Variants in CSN2 observed in about 807,000 individuals in gnomAD.
CSN2 encodes the protein casein beta.
In CSN2, 27 loss-of-function variants were observed where a neutral mutation model predicts 27.3. The ratio of observed to expected loss-of-function variants is 0.99; its 90% CI spans 0.73 to 1.36. The LOEUF is 1.36. CSN2 is among the 40% of genes most tolerant of loss of function. CSN2 has a pLI of 0.00. For missense variants in CSN2, 333 were observed against 264.5 expected (o/e 1.26, Z -1.80); for synonymous variants, 131 against 94.8 (o/e 1.38, Z -2.22).
intron 3 of CSN2, 43 bp downstream of exon 3, chr4:69,960,010 A>T (rs1229370424): frequency 6.3e-7 from 1 of 1,582,290 alleles, no homozygotes; most frequent in East Asian, 2.2e-5. Context: ...GAAAAATAGC[A>T]CAGGATTTTA....
intron 2 of CSN2, 77 bp downstream of exon 2, chr4:69,960,868 G>T: frequency 1.8e-6 from 2 of 1,102,952 alleles, no homozygotes; most frequent in Non-Finnish European, 2.8e-6. Flanking sequence ...AAAAAATGTT[G>T]GTGATGTTAT....
intron 1 of CSN2, among the ~76,000 whole-genome samples, chr4:69,962,820 T>G (rs895141390): frequency 1.3e-5 from 2 of 152,032 alleles, no homozygotes; most frequent in African/African-American, 2.4e-5. Context: ...GAGAGAAAAT[T>G]TTTGCAATCT....
At position 69,957,545 on chromosome 4, in the gene CSN2, T is replaced by C; in HGVS notation, c.404A>G (p.Asp135Gly). 6.2e-7 allele frequency: 1 copy of C among 1,613,828 alleles called. No individual in the cohort carries two copies. Among genetic ancestry groups the C allele is most frequent in the Non-Finnish European group, 8.5e-7 (1 of 1,179,962 alleles). ...CAGAGGAAGATGCAGATTTTCAAGA[T>C]CAGTGAGTTTTGGGATTTGAGGGTC... ...FFDPQIPKLTDLENLHLPLPL... is the reference protein window; with the variant it reads ...FFDPQIPKLTGLENLHLPLPL... Residue 135 changes from aspartate (D) to glycine (G), a missense_variant, in exon 6 of 8, where the codon GAT (aspartate) becomes GGT (glycine). Physicochemically the swap from Asp to Gly is moderately conservative, Grantham distance 94 (BLOSUM62 -1). Transcript: ENST00000353151.
Position 69,960,095 on chromosome 4 carries a change from A to T in CSN2, c.52-16T>A, listed in dbSNP as rs1723524971. The T allele has an allele frequency of 3.1e-6, 5 of 1,609,138 alleles. No individual in the cohort carries two copies. Among genetic ancestry groups the T allele is most frequent in the Non-Finnish European group, 4.2e-6 (5 of 1,176,590 alleles). On this transcript the variant is annotated splice_polypyrimidine_tract_variant and intron_variant, in intron 2 of 7. Transcript: ENST00000353151. ...TTTCTATGGTCTGTGGGAAAAAAAA[A>T]TTGACAACCAGCTAAATCTTCTAGA...
Position 69,960,152 on chromosome 4 carries a change from T to C in CSN2, c.52-73A>G, listed in dbSNP as rs553861512. On this transcript the variant is annotated intron_variant, in intron 2 of 7. Transcript: ENST00000353151. ...GAGAATTTTACTATTTTATGGTTCA[T>C]AAATTTTCTCTAAAAAAATAATCTC... 27 of 1,372,778 alleles carry C rather than the reference T, an allele frequency of 2.0e-5. 3 individuals carry two copies. In the South Asian group the frequency reaches 3.1e-4, roughly 16 times the overall value. 85.0% of individuals were successfully genotyped at this position (1,372,778 alleles called of 1,614,324 possible).
intron 1 of CSN2, among the ~76,000 whole-genome samples, chr4:69,962,629 A>G (rs1425144438): frequency 6.6e-6 from 1 of 152,154 alleles, no homozygotes; most frequent in Non-Finnish European, 1.5e-5. Flanking sequence ...AACCATAAAA[A>G]CCCTAGAAGA....
At position 69,960,963 on chromosome 4, in the gene CSN2, A is replaced by G. The variant is rs768004133; in HGVS notation, c.33T>C (p.Ala11=). 1.9e-6 allele frequency: 3 copies of G among 1,612,990 alleles called. No individual in the cohort carries two copies. The highest frequency in any genetic ancestry group is 2.5e-6 in the Non-Finnish European group (3 of 1,179,264). Residue 11 remains alanine (A), a synonymous_variant, in exon 2 of 8, where the codon GCT becomes GCC. Transcript: ENST00000353151. MKVLILACLV[A]LALARETIES... is the part of the protein sequence containing the mutation. ...CACATACCTCCCTTGCAAGAGCAAG[A>G]GCCACCAGGCAGGCGAGGATGAGGA...
Position 69,957,557 on chromosome 4 carries a change from G to A in CSN2, c.392C>T (p.Pro131Leu). The A allele has an allele frequency of 6.2e-7, 1 of 1,613,936 alleles. No individual in the cohort carries two copies. The highest frequency in any genetic ancestry group is 8.5e-7 in the Non-Finnish European group (1 of 1,179,998). Residue 131 changes from proline to leucine, a missense_variant, in exon 6 of 8, where the codon CCA becomes CTA. Pro to Leu is a moderately conservative substitution (Grantham distance 98, BLOSUM62 -3). Transcript: ENST00000353151. The stretch of plus-strand genomic sequence containing the variant: ...CAGATTTTCAAGATCAGTGAGTTTT[G>A]GGATTTGAGGGTCAAAAAAGGGTAT... ...PTIPFFDPQI[P>L]KLTDLENLHL...
At chr4:69,959,551 T>A (rs1723505449) in intron 3 of CSN2, among the ~76,000 whole-genome samples, 1 of 152,050 alleles carries the variant, frequency 6.6e-6, no homozygotes. Flanking sequence ...AGAATAAATA[T>A]CTACCTGACT....
chr4:69,962,470 A>C (rs899586275), intron 1 of CSN2, among the ~76,000 whole-genome samples: 24 of 152,180 alleles, frequency 1.6e-4, no homozygotes, highest in Non-Finnish European at 3.1e-4. Flanking sequence ...AGCTGACAAA[A>C]ACAAGCAATG....
intron 1 of CSN2, among the ~76,000 whole-genome samples, chr4:69,962,456 A>T (rs1297187024): frequency 3.3e-5 from 5 of 152,192 alleles, no homozygotes. Context: ...CTGATCTTTG[A>T]CAAAGCTGAC....
intron 7 of CSN2, 146 bp downstream of exon 7, chr4:69,956,168 T>G: frequency 2.5e-6 from 1 of 405,252 alleles, no homozygotes. Context: ...CAGTAAATGA[T>G]AGTCAACCAT....
At position 69,957,558 on chromosome 4, in the gene CSN2, G is replaced by A. The variant is rs764809165; in HGVS notation, c.391C>T (p.Pro131Ser). Residue 131 changes from proline to serine, a missense_variant, in exon 6 of 8, where the codon CCA (proline) becomes TCA (serine). By Grantham distance (74) the Pro-to-Ser change is moderately conservative. Coordinates refer to ENST00000353151, the MANE Select transcript of CSN2 (RefSeq NM_001891.4). ...PTIPFFDPQI[P>S]KLTDLENLHL... Reference sequence around the variant, plus strand: ...AGATTTTCAAGATCAGTGAGTTTTGGGATTTGAGGGTCAAAAAAGGGTATC... The same window carrying A: ...AGATTTTCAAGATCAGTGAGTTTTGAGATTTGAGGGTCAAAAAAGGGTATC... The A allele has an allele frequency of 5.6e-6, 9 of 1,613,876 alleles. No homozygotes were observed. In the South Asian group the frequency reaches 6.6e-5, roughly 12 times the overall value.
At chr4:69,958,439 C>A (rs1339832131) in intron 5 of CSN2, among the ~76,000 whole-genome samples, 1 of 151,956 alleles carries the variant, frequency 6.6e-6, no homozygotes, top group Non-Finnish European at 1.5e-5. Flanking sequence ...GTACACAAAG[C>A]AATTGAAAAT....
At chr4:69,961,934 C>G (rs1030848459) in intron 1 of CSN2, among the ~76,000 whole-genome samples, 5 of 152,024 alleles carry the variant, frequency 3.3e-5, no homozygotes, top group African/African-American at 1.2e-4. Flanking sequence ...TCATATACAC[C>G]AATAACAGAC....
At chr4:69,956,495 G>T in intron 6 of CSN2, 140 bp from the exon 7 acceptor site, 1 of 555,528 alleles carries the variant, frequency 1.8e-6, no homozygotes, top group Non-Finnish European at 2.6e-6. Flanking sequence ...GTGAAGTAAG[G>T]CTTGTGTAAA....
intron 2 of CSN2, among the ~76,000 whole-genome samples, 197 bp downstream of exon 2, chr4:69,960,748 G>T (rs747780391): frequency 1.1e-4 from 17 of 152,046 alleles, no homozygotes; most frequent in Non-Finnish European, 2.1e-4. Context: ...GCACATTGGT[G>T]CAGGAAGCAT....
rs547312398 is a variant in CSN2, at chr4:69,962,007, C to T, written c.-12-1000G>A. Among the ~76,000 whole-genome samples, 11 of 152,214 alleles carry T rather than the reference C, an allele frequency of 7.2e-5. No homozygotes were observed. The East Asian group carries it at 2.1e-3, about 29-fold the overall frequency. On this transcript the variant is annotated intron_variant, in intron 1 of 7. Coordinates refer to ENST00000353151, the MANE Select transcript of CSN2 (RefSeq NM_001891.4). Reference sequence around the variant, plus strand: ...AATTGCTTCAAAGAGAATAAAATCCCTAGGAATCCAACTTACAAGGGATGA... The same window carrying T: ...AATTGCTTCAAAGAGAATAAAATCCTTAGGAATCCAACTTACAAGGGATGA...
Position 69,957,569 on chromosome 4 carries a change from T to C in CSN2, c.380A>G (p.Asp127Gly). 1 of 1,613,496 alleles carries C rather than the reference T, an allele frequency of 6.2e-7. No individual in the cohort carries two copies. Among genetic ancestry groups the C allele is most frequent in the Non-Finnish European group, 8.5e-7 (1 of 1,179,878 alleles). Reference sequence around the variant, plus strand: ...ATCAGTGAGTTTTGGGATTTGAGGGTCAAAAAAGGGTATCGTTGGAGATTT... The same window carrying C: ...ATCAGTGAGTTTTGGGATTTGAGGGCCAAAAAAGGGTATCGTTGGAGATTT... Reference protein sequence around the residue: ...VLKSPTIPFFDPQIPKLTDLE... With the variant: ...VLKSPTIPFFGPQIPKLTDLE... The change falls in exon 6 of 8, where the codon GAC becomes GGC. Residue 127 changes from aspartate (D) to glycine (G), a missense_variant. Coordinates refer to ENST00000353151, the MANE Select transcript of CSN2 (RefSeq NM_001891.4).
Sources: gnomAD v4.1 joint callset for allele counts (sites outside exome capture counted in the v4.1 genomes callset) on GRCh38, gnomAD v4.1.1 for gene constraint, MANE v1.5 for transcripts, NCBI Gene and HGNC (gene_info 2026-07-23, HGNC 2026-07-21) for gene names.